The following TRPC5 variants were observed in gnomAD, a reference collection of about 807,000 sequenced individuals.
The protein encoded by TRPC5 is short transient receptor potential channel 5.
Under a neutral mutation model 56.5 loss-of-function variants are expected in TRPC5, and 9 were observed. The observed-to-expected ratio is 0.16, with a 90% confidence interval of 0.10 to 0.28. The LOEUF (loss-of-function observed/expected upper bound fraction) is 0.28, where lower values mean the gene tolerates loss of function less well. TRPC5 is among the 10% of genes least tolerant of loss of function. The pLI, the probability that TRPC5 is intolerant of heterozygous loss-of-function variation, is 1.00. For missense variants in TRPC5, 469 were observed against 748.9 expected, an observed-to-expected ratio of 0.63 and a Z score of 4.36; for synonymous variants, 282 against 278.5, an observed-to-expected ratio of 1.01 and a Z score of -0.13.
chrX:111,893,078 G>GTTT (rs1427368445), intron 3 of TRPC5, among the ~76,000 whole-genome samples: 1 of 98,585 alleles, frequency 1.0e-5, no homozygotes. Flanking sequence ...TCAAATATAG[G>GTTT]GTTTTTTTTT....
chrX:111,788,592 G>A (rs1265948891), intron 7 of TRPC5, among the ~76,000 whole-genome samples: 3 of 111,699 alleles, frequency 2.7e-5, no homozygotes, highest in African/African-American at 9.8e-5. Flanking sequence ...AGAAATAAAG[G>A]ATATTCAATT....
chrX:111,897,971 A>T (rs764942603), intron 3 of TRPC5, among the ~76,000 whole-genome samples: 1 of 110,740 alleles, frequency 9.0e-6, no homozygotes, highest in Admixed American at 9.6e-5. Flanking sequence ...CAAAAACATA[A>T]TATGATTTTA....
chrX:111,819,837 T>C (rs16986633), intron 7 of TRPC5, among the ~76,000 whole-genome samples: 5,973 of 111,410 alleles, frequency 0.054, 320 homozygotes, highest in African/African-American at 0.17. Context: ...TCCTTGCACA[T>C]AGCAGACTCA....
intron 1 of TRPC5, among the ~76,000 whole-genome samples, chrX:112,049,609 T>C (rs1270354288): frequency 3.7e-5 from 4 of 108,900 alleles, no homozygotes; most frequent in Admixed American, 9.9e-5. Flanking sequence ...GCTCAAGTGA[T>C]CCTCCCACCT....
intron 3 of TRPC5, among the ~76,000 whole-genome samples, chrX:111,872,981 A>G (rs757712314): frequency 2.7e-4 from 30 of 112,440 alleles, no homozygotes; most frequent in Middle Eastern, 4.6e-3. Context: ...TAGAGCTACC[A>G]TTTGACCAAG....
chrX:111,965,707 C>G (rs1447984846), intron 1 of TRPC5, among the ~76,000 whole-genome samples: 5 of 111,958 alleles, frequency 4.5e-5, no homozygotes, highest in African/African-American at 9.7e-5. Flanking sequence ...AACTGAACAA[C>G]CTGCTCCTGA....
intron 6 of TRPC5, among the ~76,000 whole-genome samples, chrX:111,844,056 C>T (rs1278346183): frequency 9.1e-6 from 1 of 109,721 alleles, no homozygotes; most frequent in African/African-American, 3.3e-5. Context: ...GTAAGAGTCC[C>T]ATATGACTCC....
chrX:112,055,851 C>T (rs1930329305), intron 1 of TRPC5, among the ~76,000 whole-genome samples: 1 of 109,237 alleles, frequency 9.2e-6, no homozygotes, highest in South Asian at 3.9e-4. Flanking sequence ...ACTTGAAAGT[C>T]ATTGCATTAA....
intron 1 of TRPC5, among the ~76,000 whole-genome samples, chrX:112,023,250 T>G (rs1403283992): frequency 1.2e-5 from 1 of 82,735 alleles, no homozygotes; most frequent in African/African-American, 5.4e-5. Flanking sequence ...TTTTTTGTTT[T>G]TTTTTTTTTT....
intron 3 of TRPC5, among the ~76,000 whole-genome samples, chrX:111,906,213 G>A (rs1019494139): frequency 3.7e-5 from 4 of 109,012 alleles, no homozygotes; most frequent in Non-Finnish European, 5.7e-5. Context: ...AAAATCAGCC[G>A]GCACGGTGGT....
chrX:111,805,237 G>T (rs184426685), intron 7 of TRPC5, among the ~76,000 whole-genome samples: 6 of 112,076 alleles, frequency 5.4e-5, no homozygotes, highest in Non-Finnish European at 9.4e-5. Flanking sequence ...TTGATGTGCT[G>T]CTGGATTTGG....
At chrX:111,884,056 G>A (rs987989989) in intron 3 of TRPC5, among the ~76,000 whole-genome samples, 1 of 112,139 alleles carries the variant, frequency 8.9e-6, no homozygotes, top group African/African-American at 3.2e-5. Flanking sequence ...CCTAATTAAG[G>A]TGAAGTCAGA....
intron 6 of TRPC5, among the ~76,000 whole-genome samples, chrX:111,846,507 G>A (rs1922931591): frequency 8.9e-6 from 1 of 111,938 alleles, no homozygotes; most frequent in South Asian, 3.7e-4. Flanking sequence ...TGGACTCGTG[G>A]ACAGAATCAT....
At chrX:111,980,840 A>G (rs914125620) in intron 1 of TRPC5, among the ~76,000 whole-genome samples, 2 of 106,609 alleles carry the variant, frequency 1.9e-5, no homozygotes, top group African/African-American at 3.4e-5. Context: ...CAATATATCT[A>G]TGTATTAGTC....
chrX:111,902,069 C>T (rs751294670), intron 3 of TRPC5: 1 of 1,155,005 alleles, frequency 8.7e-7, no homozygotes, highest in South Asian at 1.9e-5. Context: ...AGACTCAATA[C>T]TTACACCAAG....
At chrX:111,881,455 C>G (rs1444190441) in intron 3 of TRPC5, among the ~76,000 whole-genome samples, 1 of 111,629 alleles carries the variant, frequency 9.0e-6, no homozygotes, top group Non-Finnish European at 1.9e-5. Flanking sequence ...GGATTACAAG[C>G]GTGAGCCACT....
At chrX:111,856,226 G>A (rs1923223118) in intron 3 of TRPC5, among the ~76,000 whole-genome samples, 1 of 110,622 alleles carries the variant, frequency 9.0e-6, no homozygotes, top group South Asian at 3.9e-4. Flanking sequence ...AGATCAAGAC[G>A]ATGGTCTTTG....
chrX:111,929,462 T>C (rs1156250237), intron 2 of TRPC5, among the ~76,000 whole-genome samples: 1 of 112,546 alleles, frequency 8.9e-6, no homozygotes, highest in Non-Finnish European at 1.9e-5. Flanking sequence ...ATGGACTAGA[T>C]TGCCACTATA....
chrX:111,853,632 C>T (rs1923145202), intron 4 of TRPC5, 138 bp downstream of exon 4: 1 of 549,729 alleles, frequency 1.8e-6, no homozygotes, highest in Admixed American at 3.5e-5. Flanking sequence ...CTGAGACTCT[C>T]AACAAAGGAC....
Sources: gnomAD v4.1 joint callset for allele counts (sites outside exome capture counted in the v4.1 genomes callset) on GRCh38, gnomAD v4.1.1 for gene constraint, MANE v1.5 for transcripts, NCBI Gene and HGNC (gene_info 2026-07-23, HGNC 2026-07-21) for gene names.